Variants in SCN3A observed in about 807,000 individuals in gnomAD.
SCN3A encodes sodium voltage-gated channel alpha subunit 3.
A neutral mutation model predicts 187.6 loss-of-function variants in SCN3A; 60 were observed. The observed-to-expected ratio is 0.32, with a 90% CI of 0.26 to 0.40. The LOEUF (loss-of-function observed/expected upper bound fraction) is 0.40, where lower values mean the gene tolerates loss of function less well. Among genes scored for constraint, SCN3A ranks in the 10% least tolerant of loss-of-function variants. The pLI is 1.00. For synonymous variants in SCN3A, 788 were observed against 829.2 expected, an observed-to-expected ratio of 0.95 and a Z score of 0.85; for missense variants, 1,601 against 2,428.2, an observed-to-expected ratio of 0.66 and a Z score of 7.16.
In SCN3A at chr2:165,186,645, T is replaced by C. The variant is rs534724999; in HGVS notation, c.-145A>G. ...TACAATATCCCTAGAAGAGATTCTT[T>C]GCTCCTTTCCCAGTAAGCCACTCTA... is the stretch of plus-strand genomic sequence containing the variant. On this transcript the variant is annotated 5_prime_UTR_variant, in exon 2 of 28. Coordinates refer to ENST00000283254, the MANE Select transcript of SCN3A (RefSeq NM_006922.4). 6.6e-6 allele frequency: 1 copy of C among 152,308 alleles called. No homozygotes were observed. The highest frequency in any genetic ancestry group is 6.5e-5 in the Admixed American group (1 of 15,302). The allele number at this position is 152,308 out of a possible 1,614,324, so 9.4% of individuals were successfully genotyped here.
chr2:165,167,739 T>C (rs1689861709), intron 5 of SCN3A, among the ~76,000 whole-genome samples: 1 of 152,150 alleles, frequency 6.6e-6, no homozygotes, highest in Admixed American at 6.5e-5. Context: ...CCCCAGCATA[T>C]TGATGTTTTG....
At chr2:165,145,029 T>C (rs1306165378) in intron 12 of SCN3A, among the ~76,000 whole-genome samples, 2 of 152,204 alleles carry the variant, frequency 1.3e-5, no homozygotes, top group Non-Finnish European at 2.9e-5. Flanking sequence ...TTGAAATTCA[T>C]TCACCGATTT....
chr2:165,193,234 A>G (rs937959725), intron 1 of SCN3A, among the ~76,000 whole-genome samples: 12 of 152,128 alleles, frequency 7.9e-5, no homozygotes, highest in African/African-American at 2.9e-4. Context: ...GAGATGTTCT[A>G]CATGGGGGAG....
At chr2:165,093,028 G>A (rs1309118897) in intron 26 of SCN3A, 1 of 153,906 alleles carries the variant, frequency 6.5e-6, no homozygotes, top group East Asian at 1.9e-4. Flanking sequence ...CAGCCTGAGA[G>A]ACAGAGTGAG....
chr2:165,103,332 G>A (rs1383871982), intron 21 of SCN3A, among the ~76,000 whole-genome samples: 1 of 152,054 alleles, frequency 6.6e-6, no homozygotes, highest in African/African-American at 2.4e-5. Context: ...ATGGCCACAG[G>A]TAAACATATA....
At chr2:165,120,685 T>C (rs1311514007) in intron 18 of SCN3A, among the ~76,000 whole-genome samples, 2 of 152,100 alleles carry the variant, frequency 1.3e-5, no homozygotes, top group African/African-American at 4.8e-5. Context: ...GTCTGATCTT[T>C]TGGATATGCA....
At position 165,170,479 on chromosome 2, in the gene SCN3A, T is replaced by C. The variant is rs1189567767; in HGVS notation, c.334A>G (p.Thr112Ala). The C allele has an allele frequency of 6.2e-7, 1 of 1,611,654 alleles. No individual in the cohort carries two copies. The highest frequency in any genetic ancestry group is 1.1e-5 in the South Asian group (1 of 90,986). Residue 112 changes from threonine (T) to alanine (A), a missense_variant, in exon 4 of 28, where the codon ACT becomes GCT. Physicochemically the swap from Thr to Ala is moderately conservative, Grantham distance 58 (BLOSUM62 0). This residue lies in a region of SCN3A where 122 missense variants were observed against 225.1 expected (regional missense o/e 0.54). Transcript: ENST00000283254. The part of the protein sequence containing the change: ...FSATSALYIL[T>A]PLNPVRKIAI... ...ATTTTCCTAACAGGGTTTAGTGGAGTTAAAATATACAAGGCAGAGGTGGCA... is the reference window on the plus strand; with the variant it reads ...ATTTTCCTAACAGGGTTTAGTGGAGCTAAAATATACAAGGCAGAGGTGGCA...
intron 21 of SCN3A, among the ~76,000 whole-genome samples, chr2:165,105,688 A>G (rs1181247694): frequency 6.6e-6 from 1 of 152,108 alleles, no homozygotes; most frequent in East Asian, 1.9e-4. Context: ...TGCAGTCTCT[A>G]TGCAATCTCA....
At position 165,140,477 on chromosome 2, in the gene SCN3A, A is replaced by G. The variant is rs138692683; in HGVS notation, c.2019+174T>C. ...CCATACAACAAAAGCTAATGGTCCC[A>G]TACAATTCAATTGATTCTCAATATT... On this transcript the variant is annotated intron_variant, in intron 13 of 27. Coordinates refer to ENST00000283254, the MANE Select transcript of SCN3A (RefSeq NM_006922.4). The surrounding 1 kb of genome is among the most constrained non-coding windows in gnomAD (Gnocchi z 4.2). Among the ~76,000 whole-genome samples the G allele has an allele frequency of 6.3e-3, 956 of 152,330 alleles. 16 individuals carry two copies. Among genetic ancestry groups the G allele is most frequent in the African/African-American group, 0.021 (861 of 41,572 alleles).
intron 9 of SCN3A, 131 bp from the exon 10 acceptor site, chr2:165,156,034 A>G (rs920505674): frequency 9.3e-7 from 1 of 1,080,478 alleles, no homozygotes; most frequent in Non-Finnish European, 1.4e-6. Flanking sequence ...TTTCCAGAAC[A>G]CTTTAGGTGA....
chr2:165,183,992 T>C (rs1414753700), intron 2 of SCN3A, among the ~76,000 whole-genome samples: 1 of 152,130 alleles, frequency 6.6e-6, no homozygotes, highest in Non-Finnish European at 1.5e-5. Flanking sequence ...GAGACTATTA[T>C]AGTAAGGGTA....
intron 17 of SCN3A, among the ~76,000 whole-genome samples, chr2:165,128,770 T>G (rs920927562): frequency 2.7e-5 from 4 of 150,400 alleles, no homozygotes; most frequent in African/African-American, 9.8e-5. Context: ...CCCACATAAG[T>G]TACTTTTCTT....
At position 165,162,560 on chromosome 2, in the gene SCN3A, A is replaced by T; in HGVS notation, c.963T>A (p.Asp321Glu). ...STFNWKDYIG[D>E]DSHFYVLDGQ... ...ACATAATGTAATACTTCTTACTGTC[A>T]TCTCCAATGTAATCCTTCCAGTTAA... The change falls in exon 8 of 28, where the codon GAT (aspartate) becomes GAA (glutamate). Residue 321 changes from aspartate (D) to glutamate (E), a missense_variant. Coordinates refer to ENST00000283254, the MANE Select transcript of SCN3A (RefSeq NM_006922.4). The T allele has an allele frequency of 1.2e-6, 2 of 1,614,088 alleles. No individual in the cohort carries two copies. Among genetic ancestry groups the T allele is most frequent in the Non-Finnish European group, 1.7e-6 (2 of 1,179,972 alleles).
intron 2 of SCN3A, chr2:165,179,637 C>A (rs1574311592): frequency 6.6e-6 from 1 of 152,208 alleles, no homozygotes; most frequent in Non-Finnish European, 1.5e-5. Context: ...AATTCCCATA[C>A]TGTTGTCTCT....
At chr2:165,156,512 C>CAAAAAAAAAAAAAA (rs558407270) in intron 9 of SCN3A, among the ~76,000 whole-genome samples, 5 of 63,708 alleles carry the variant, frequency 7.8e-5, no homozygotes, top group African/African-American at 1.1e-4. Context: ...GACTCTGACT[C>CAAAAAAAAAAAAAA]AAAAAAAAAA....
At chr2:165,119,355 ATAAAT>A (rs1180838346) in intron 18 of SCN3A, among the ~76,000 whole-genome samples, 5 of 152,222 alleles carry the variant, frequency 3.3e-5, no homozygotes, top group African/African-American at 1.2e-4. Flanking sequence ...ACCTACATTT[ATAAAT>A]TAAATTGTGA....
At chr2:165,192,359 C>G (rs980065136) in intron 1 of SCN3A, among the ~76,000 whole-genome samples, 5 of 152,060 alleles carry the variant, frequency 3.3e-5, no homozygotes, top group African/African-American at 1.2e-4. Context: ...TAATAGAGAA[C>G]AGTGATTAAG....
chr2:165,127,412 T>C (rs747620305), intron 18 of SCN3A, among the ~76,000 whole-genome samples: 4 of 152,292 alleles, frequency 2.6e-5, no homozygotes, highest in South Asian at 4.1e-4. Context: ...AAAATGAATA[T>C]ACTAAAGACT....
rs182222454 is a variant in SCN3A, at chr2:165,121,757, C to T, written c.3393+5874G>A. ...CCTTCAAAATTTCCCTCCCAGAACC[C>T]GCACTCTGGCTGAGATTCCAGTAAG... is the stretch of plus-strand genomic sequence containing the variant. On this transcript the variant is annotated intron_variant, in intron 18 of 27. Coordinates refer to ENST00000283254, the MANE Select transcript of SCN3A (RefSeq NM_006922.4). Among the ~76,000 whole-genome samples the T allele has an allele frequency of 2.1e-3, 325 of 152,184 alleles. 1 individual carries two copies. The highest frequency in any genetic ancestry group is 4.4e-3 in the African/African-American group (183 of 41,512).
Sources: allele counts gnomAD v4.1 joint callset (sites outside exome capture counted in the v4.1 genomes callset), GRCh38; gene constraint gnomAD v4.1.1; regional missense constraint gnomAD v4.1.1; non-coding constraint Gnocchi (gnomAD v3.1); transcripts MANE v1.5; gene names NCBI Gene and HGNC (gene_info 2026-07-23, HGNC 2026-07-21).